UPF2: variants seen among roughly 807,000 people sequenced by gnomAD.
UPF2 encodes the protein regulator of nonsense transcripts 2.
Under a neutral mutation model 141.4 loss-of-function variants are expected in UPF2, and 17 were observed. That is an observed-to-expected ratio of 0.12 (90% CI 0.08 to 0.18). UPF2 has a LOEUF of 0.18. Ranked by LOEUF, UPF2 falls within the 10% of genes least tolerant of loss-of-function variation. The probability of loss-of-function intolerance (pLI) is 1.00; values close to 1 mark genes in which losing one functional copy is unlikely to be tolerated. For synonymous variants in UPF2, 540 were observed against 498.0 expected (o/e 1.08, Z -1.12); for missense variants, 1,152 against 1,515.9 (o/e 0.76, Z 3.99).
At chr10:11,991,308 C>T (rs1397678880) in intron 8 of UPF2, among the ~76,000 whole-genome samples, 4 of 151,956 alleles carry the variant, frequency 2.6e-5, no homozygotes, top group East Asian at 1.9e-4. Flanking sequence ...AAGAAAAAGA[C>T]AACACTGAAA....
chr10:12,035,745 GCC>G, intron 1 of UPF2: 2 of 207,918 alleles, frequency 9.6e-6, no homozygotes. Context: ...CTCAGATTCA[GCC>G]ACTATCAACT....
In UPF2 at chr10:11,939,168, G is replaced by A. The variant is rs1832905226; in HGVS notation, c.3379-2456C>T. 6.6e-6 allele frequency among the ~76,000 whole-genome samples: 1 copy of A among 151,920 alleles called. No individual in the cohort carries two copies. The highest frequency in any genetic ancestry group is 1.5e-5 in the Non-Finnish European group (1 of 67,988). On this transcript the variant is annotated intron_variant, in intron 18 of 21. Coordinates refer to ENST00000357604, the MANE Select transcript of UPF2 (RefSeq NM_015542.4). The surrounding 1 kb of genome is among the most constrained non-coding windows in gnomAD (Gnocchi z 4.8). The stretch of plus-strand genomic sequence containing the variant: ...TACAGGCATTGAGCCACTGTGCCTG[G>A]CCAGCAAGTTTCTTGTCTTTCCAAG...
At position 11,998,879 on chromosome 10, in the gene UPF2, G is replaced by A. The variant is rs1263074627; in HGVS notation, c.1758+1027C>T. ...AAAAAAATAAAAAATAAAAAGATTA[G>A]CTGGGCGTGGTGGTGCACGCCTGTA... On this transcript the variant is annotated intron_variant, in intron 7 of 21. Coordinates refer to ENST00000357604, the MANE Select transcript of UPF2 (RefSeq NM_015542.4). The surrounding 1 kb of genome is among the most constrained non-coding windows in gnomAD (Gnocchi z 4.5). 6.6e-6 allele frequency among the ~76,000 whole-genome samples: 1 copy of A among 151,860 alleles called. No homozygotes were observed. Among genetic ancestry groups the A allele is most frequent in the Non-Finnish European group, 1.5e-5 (1 of 67,968 alleles).
At chr10:12,033,141 C>T (rs1253165551) in intron 2 of UPF2, among the ~76,000 whole-genome samples, 4 of 152,148 alleles carry the variant, frequency 2.6e-5, no homozygotes, top group Non-Finnish European at 5.9e-5. Flanking sequence ...AAGTAGTGTA[C>T]ATCTGTAGTC....
intron 8 of UPF2, among the ~76,000 whole-genome samples, chr10:11,995,754 G>A (rs1034806094): frequency 5.9e-5 from 9 of 152,106 alleles, no homozygotes; most frequent in Non-Finnish European, 8.8e-5. Flanking sequence ...CTGCACTCCA[G>A]CCTGGGCGAC....
rs1178455748 is a variant in UPF2 at position 11,979,729 on chromosome 10, ACC to A, written c.1845-566_1845-565del. ...AGACTATCCTGGCTAACACGGTGAA[ACC>A]CCGTCTCTACTAAAAATAAAAAAAT... On this transcript the variant is annotated intron_variant, in intron 8 of 21. Coordinates refer to ENST00000357604, the MANE Select transcript of UPF2 (RefSeq NM_015542.4). This position sits in a 1 kb window ranked among gnomAD's most constrained non-coding sequence, Gnocchi z 6.2. Among the ~76,000 whole-genome samples, 1 of 152,056 alleles carries A rather than the reference ACC, an allele frequency of 6.6e-6. No homozygotes were observed. The highest frequency in any genetic ancestry group is 1.9e-4 in the East Asian group (1 of 5,192).
intron 3 of UPF2, among the ~76,000 whole-genome samples, chr10:12,015,628 G>C (rs988551330): frequency 6.6e-6 from 1 of 152,152 alleles, no homozygotes; most frequent in African/African-American, 2.4e-5. Context: ...CTTGAACCTG[G>C]GAGGCGGAGG....
intron 4 of UPF2, among the ~76,000 whole-genome samples, chr10:12,007,686 C>T (rs971290413): frequency 5.9e-5 from 9 of 151,634 alleles, no homozygotes; most frequent in Non-Finnish European, 1.0e-4. Flanking sequence ...AAAAAATTAG[C>T]CGGCCGTGGT....
chr10:11,938,842 G>GTTTTTTTTTTTTTTTTTTT (rs1204744093), intron 18 of UPF2, among the ~76,000 whole-genome samples: 3 of 45,868 alleles, frequency 6.5e-5, no homozygotes, highest in East Asian at 4.6e-4. Context: ...TCTTAAGCAA[G>GTTTTTTTTTTTTTTTTTTT]TTTTTTTTTT....
intron 18 of UPF2, 124 bp downstream of exon 18, chr10:11,942,541 T>A (rs560205559): frequency 3.9e-5 from 30 of 774,056 alleles, no homozygotes; most frequent in Non-Finnish European, 6.0e-5. Context: ...TGTCTACACA[T>A]GATCTAGCAA....
intron 17 of UPF2, 49 bp from the exon 18 acceptor site, chr10:11,942,812 G>T (rs2131171136): frequency 6.5e-7 from 1 of 1,550,288 alleles, no homozygotes; most frequent in East Asian, 2.2e-5. Flanking sequence ...TAACTGTAAT[G>T]TTTTCTAGGG....
rs1308383925 is a variant in UPF2 at position 12,016,880 on chromosome 10, C to T, written c.1146-2696G>A. Among the ~76,000 whole-genome samples the T allele has an allele frequency of 3.3e-5, 5 of 150,182 alleles. No individual in the cohort carries two copies. ...TACAAAAACATAAAAATTAGCCGGG[C>T]ACGATGGTGGGTGCCTGTAATCCTA... On this transcript the variant is annotated intron_variant, in intron 3 of 21. Transcript: ENST00000357604. The surrounding 1 kb of genome is among the most constrained non-coding windows in gnomAD (Gnocchi z 4.1).
intron 3 of UPF2, among the ~76,000 whole-genome samples, chr10:12,023,764 GC>G (rs1834359749): frequency 1.3e-5 from 2 of 151,612 alleles, no homozygotes; most frequent in African/African-American, 2.4e-5. Context: ...GCTCAGGCAG[GC>G]AGGTGGCTTG....
chr10:12,007,834 G>GTAATAATAA (rs140872031), intron 4 of UPF2, among the ~76,000 whole-genome samples: 11,157 of 134,374 alleles, frequency 0.083, 553 homozygotes, highest in Admixed American at 0.14. Context: ...CCGTCTCAAA[G>GTAATAATAA]TAATAATAAT....
intron 4 of UPF2, among the ~76,000 whole-genome samples, chr10:12,005,197 C>G: frequency 6.6e-6 from 1 of 151,856 alleles, no homozygotes; most frequent in South Asian, 2.1e-4. Flanking sequence ...GACCATAAAC[C>G]TTTACTTAAG....
rs569125795 is a variant in UPF2 at position 12,014,385 on chromosome 10, C to T, written c.1146-201G>A. Among the ~76,000 whole-genome samples, 50 of 152,130 alleles carry T rather than the reference C, an allele frequency of 3.3e-4. No homozygotes were observed. The highest frequency in any genetic ancestry group is 6.3e-4 in the Non-Finnish European group (43 of 68,022). On this transcript the variant is annotated intron_variant, in intron 3 of 21. Coordinates refer to ENST00000357604, the MANE Select transcript of UPF2 (RefSeq NM_015542.4). This position sits in a 1 kb window ranked among gnomAD's most constrained non-coding sequence, Gnocchi z 5.0. ...TCACCTGAACATTTAAATTTTAACA[C>T]TGGTTCCTCAAAGAATATGCAGCAT...
At chr10:12,011,273 A>C (rs1834121816) in intron 4 of UPF2, among the ~76,000 whole-genome samples, 1 of 152,240 alleles carries the variant, frequency 6.6e-6, no homozygotes, top group Admixed American at 6.5e-5. Context: ...TACAGGCATA[A>C]GCCATCATGC....
Position 11,997,733 on chromosome 10 carries a change from T to C in UPF2, c.1783A>G (p.Met595Val), listed in dbSNP as rs1399909952. Reference sequence around the variant, plus strand: ...TTCTTCCTGTTTGCTTTTGTGTTCATGTTCATGCAAAAATCCATTGCTGCC... The same window carrying C: ...TTCTTCCTGTTTGCTTTTGTGTTCACGTTCATGCAAAAATCCATTGCTGCC... ...DKAAMDFCMN[M>V]NTKANRKKLV... Residue 595 changes from methionine (M) to valine (V), a missense_variant, in exon 8 of 22, where the codon ATG (methionine) becomes GTG (valine). Coordinates refer to ENST00000357604, the MANE Select transcript of UPF2 (RefSeq NM_015542.4). 5 of 1,613,882 alleles carry C rather than the reference T, an allele frequency of 3.1e-6. No individual in the cohort carries two copies. The highest frequency in any genetic ancestry group is 2.2e-5 in the South Asian group (2 of 91,076).
chr10:12,018,870 C>G (rs964548002), intron 3 of UPF2, among the ~76,000 whole-genome samples: 1 of 152,150 alleles, frequency 6.6e-6, no homozygotes, highest in Non-Finnish European at 1.5e-5. Context: ...TTATGCAACT[C>G]ACAGGAAAAG....
Sources: gnomAD v4.1 joint callset for allele counts (sites outside exome capture counted in the v4.1 genomes callset) on GRCh38, gnomAD v4.1.1 for gene constraint, Gnocchi (gnomAD v3.1) non-coding constraint, MANE v1.5 for transcripts, NCBI Gene and HGNC (gene_info 2026-07-23, HGNC 2026-07-21) for gene names.